Variants in FEZ2 observed in about 807,000 individuals in gnomAD.
FEZ2 encodes fasciculation and elongation protein zeta 2.
FEZ2 carries 51 observed loss-of-function variants against 40.4 expected under a neutral mutation model. That is an observed-to-expected ratio of 1.26 (90% CI 1.01 to 1.59). FEZ2 has a LOEUF of 1.59. Among genes scored for constraint, FEZ2 ranks in the 40% most tolerant of loss-of-function variants. The pLI is 0.00. For synonymous variants in FEZ2, 242 were observed against 172.0 expected (o/e 1.41, Z -3.18); for missense variants, 640 against 438.3 (o/e 1.46, Z -4.11).
chr2:36,579,677 T>G (rs1213765072), intron 4 of FEZ2, among the ~76,000 whole-genome samples: 1 of 152,148 alleles, frequency 6.6e-6, no homozygotes, highest in Non-Finnish European at 1.5e-5. Flanking sequence ...GTATAGCCTG[T>G]GGAACCATTA....
At chr2:36,559,758 G>A (rs1434378037) in intron 5 of FEZ2, among the ~76,000 whole-genome samples, 4 of 152,228 alleles carry the variant, frequency 2.6e-5, no homozygotes, top group African/African-American at 7.2e-5. Flanking sequence ...CTACCTGGCT[G>A]CATCTTCAGG....
Position 36,571,864 on chromosome 2 carries a change from A to T in FEZ2, c.903+6733T>A, listed in dbSNP as rs989504886. On this transcript the variant is annotated intron_variant, in intron 5 of 7. Coordinates refer to ENST00000405912, the MANE Select transcript of FEZ2 (RefSeq NM_005102.3). ...CTACTGAAAAAAAAAAAAATACAAAAGTTAGCCGGGCGGGGTGGACCACAC... is the reference window on the plus strand; with the variant it reads ...CTACTGAAAAAAAAAAAAATACAAATGTTAGCCGGGCGGGGTGGACCACAC... Among the ~76,000 whole-genome samples, 3 of 150,794 alleles carry T rather than the reference A, an allele frequency of 2.0e-5. No homozygotes were observed. In the South Asian group the frequency reaches 6.3e-4, roughly 32 times the overall value.
At chr2:36,558,910 C>T (rs991819748) in intron 5 of FEZ2, 1 of 153,496 alleles carries the variant, frequency 6.5e-6, no homozygotes, top group African/African-American at 2.4e-5. Context: ...TTTAACAGTT[C>T]TGCACAATAA....
At chr2:36,581,509 G>A in intron 3 of FEZ2, 78 bp from the exon 4 acceptor site, 6 of 1,298,762 alleles carry the variant, frequency 4.6e-6, no homozygotes, top group Non-Finnish European at 5.5e-6. Context: ...GCTCACCTAA[G>A]GCACCCAGAG....
intron 1 of FEZ2, among the ~76,000 whole-genome samples, chr2:36,595,351 G>C (rs1369064605): frequency 6.6e-6 from 1 of 151,900 alleles, no homozygotes; most frequent in Non-Finnish European, 1.5e-5. Context: ...CCTATCTGGG[G>C]GAGAGGGGAA....
intron 5 of FEZ2, among the ~76,000 whole-genome samples, chr2:36,572,841 C>G (rs1668456060): frequency 6.6e-6 from 1 of 152,194 alleles, no homozygotes; most frequent in Non-Finnish European, 1.5e-5. Context: ...TGAGCTGAGT[C>G]ACAGAAACGG....
chr2:36,594,423 T>C (rs1291034769), intron 1 of FEZ2: 3 of 184,268 alleles, frequency 1.6e-5, no homozygotes, highest in Non-Finnish European at 3.3e-5. Context: ...CAGTTCCACA[T>C]GGCTGGGGAG....
chr2:36,597,561 TG>T (rs1669262872), intron 1 of FEZ2, among the ~76,000 whole-genome samples: 3 of 151,830 alleles, frequency 2.0e-5, no homozygotes, highest in African/African-American at 7.3e-5. Context: ...CCCCAGGAGG[TG>T]CCCCAGGAGG....
intron 5 of FEZ2, among the ~76,000 whole-genome samples, chr2:36,564,827 G>A (rs1166759415): frequency 1.3e-5 from 2 of 152,184 alleles, no homozygotes; most frequent in Non-Finnish European, 2.9e-5. Flanking sequence ...TCAATGGGAT[G>A]GAACACAGCA....
intron 2 of FEZ2, chr2:36,589,845 C>T (rs1669014350): frequency 6.6e-6 from 1 of 152,136 alleles, no homozygotes; most frequent in South Asian, 2.1e-4. Flanking sequence ...AAAATAGTGA[C>T]AGGCCTACTG....
chr2:36,588,153 C>T (rs943288791), intron 2 of FEZ2, among the ~76,000 whole-genome samples: 2 of 152,076 alleles, frequency 1.3e-5, no homozygotes, highest in African/African-American at 4.8e-5. Context: ...CTCAGCCTCC[C>T]AAGTATCTGG....
chr2:36,596,222 C>T (rs1669218335), intron 1 of FEZ2, among the ~76,000 whole-genome samples: 1 of 152,190 alleles, frequency 6.6e-6, no homozygotes, highest in Non-Finnish European at 1.5e-5. Context: ...AGATGGTCTC[C>T]AAACACAGGT....
At chr2:36,564,902 CT>C (rs1489285824) in intron 5 of FEZ2, among the ~76,000 whole-genome samples, 7 of 152,220 alleles carry the variant, frequency 4.6e-5, no homozygotes, top group Non-Finnish European at 8.8e-5. Context: ...CCTGTCTTCT[CT>C]CCCCCGTTGT....
intron 2 of FEZ2, among the ~76,000 whole-genome samples, chr2:36,588,816 G>C (rs1668983427): frequency 6.6e-6 from 1 of 151,554 alleles, no homozygotes; most frequent in African/African-American, 2.4e-5. Flanking sequence ...GTTGGCTAAA[G>C]CAGCAGATGT....
At chr2:36,580,151 A>G (rs1668690161) in intron 4 of FEZ2, among the ~76,000 whole-genome samples, 1 of 152,208 alleles carries the variant, frequency 6.6e-6, no homozygotes, top group East Asian at 1.9e-4. Context: ...ACTCTGTGGT[A>G]CTTTGTTCTG....
Position 36,552,939 on chromosome 2 carries a change from TTAG to T in FEZ2, c.*221_*223del, listed in dbSNP as rs760419412. The T allele has an allele frequency of 7.4e-6, 4 of 538,436 alleles. No homozygotes were observed. The highest frequency in any genetic ancestry group is 3.4e-5 in the Admixed American group (1 of 29,134). 33.4% of individuals were successfully genotyped at this position (538,436 alleles called of 1,614,324 possible). On this transcript the variant is annotated 3_prime_UTR_variant, in exon 8 of 8. Transcript: ENST00000405912. ...CTTAATCTACTAAGAGAACAGTTTA[TTAG>T]TAGATTTAACAAAAACCATCTCTAG... is the stretch of plus-strand genomic sequence containing the variant.
At chr2:36,561,909 T>C (rs1205928955) in intron 5 of FEZ2, among the ~76,000 whole-genome samples, 1 of 152,242 alleles carries the variant, frequency 6.6e-6, no homozygotes, top group Admixed American at 6.5e-5. Context: ...TTTCATCCAG[T>C]GGTTCTCAAA....
chr2:36,580,495 G>A (rs1464579237), intron 4 of FEZ2, among the ~76,000 whole-genome samples: 3 of 152,188 alleles, frequency 2.0e-5, no homozygotes, highest in East Asian at 1.9e-4. Flanking sequence ...GCCTCAGGCT[G>A]TTCACAGGCT....
intron 1 of FEZ2, among the ~76,000 whole-genome samples, chr2:36,597,540 C>A (rs2148356021): frequency 6.6e-6 from 1 of 152,040 alleles, no homozygotes; most frequent in East Asian, 1.9e-4. Flanking sequence ...GAATGAATGG[C>A]GACACACGTG....
Sources: allele counts gnomAD v4.1 joint callset (sites outside exome capture counted in the v4.1 genomes callset), GRCh38; gene constraint gnomAD v4.1.1; transcripts MANE v1.5; gene names NCBI Gene and HGNC (gene_info 2026-07-23, HGNC 2026-07-21).